ERCC5: variants seen among roughly 807,000 people sequenced by gnomAD.
ERCC5 encodes DNA excision repair protein ERCC-5.
A neutral mutation model predicts 105.6 loss-of-function variants in ERCC5; 68 were observed. The ratio of observed to expected loss-of-function variants is 0.64; its 90% CI spans 0.53 to 0.79. The LOEUF (loss-of-function observed/expected upper bound fraction) is 0.79. Among genes scored for constraint, ERCC5 ranks in the 30% least tolerant of loss-of-function variants. The pLI, the probability that ERCC5 is intolerant of heterozygous loss-of-function variation, is 0.00. For missense variants in ERCC5, 1,373 were observed against 1,426.7 expected (o/e 0.96, Z 0.61); for synonymous variants, 546 against 526.2 (o/e 1.04, Z -0.51).
intron 12 of ERCC5, 147 bp downstream of exon 12, chr13:102,868,404 A>G (rs4150344): frequency 1.1e-5 from 13 of 1,181,652 alleles, no homozygotes; most frequent in African/African-American, 4.6e-5. Flanking sequence ...GTTGTTTTCC[A>G]TTTTCTAGAG....
rs137877463 is a variant in ERCC5, at chr13:102,862,647, C to G, written c.1498C>G (p.Arg500Gly). 3.7e-6 allele frequency: 6 copies of G among 1,614,092 alleles called. No homozygotes were observed. The highest frequency in any genetic ancestry group is 5.1e-6 in the Non-Finnish European group (6 of 1,180,020). The change falls in exon 8 of 15, where the codon CGG becomes GGG. Residue 500 changes from arginine to glycine, a missense_variant. Arg to Gly is a moderately radical substitution (Grantham distance 125, BLOSUM62 -2). This residue lies in a region of ERCC5 where 1,004 missense variants were observed against 1,059.7 expected (regional missense o/e 0.95). Transcript: ENST00000652225. ...GTCTATGATTAAGGACAGAAAAGAT[C>G]GGCTGCCTCTGGAGAGTGCAGTGGT... ...DESMIKDRKDRLPLESAVVRH... is the reference protein window; with the variant it reads ...DESMIKDRKDGLPLESAVVRH...
intron 8 of ERCC5, among the ~76,000 whole-genome samples, chr13:102,863,430 A>G (rs1313319333): frequency 6.6e-6 from 1 of 152,194 alleles, no homozygotes; most frequent in Non-Finnish European, 1.5e-5. Flanking sequence ...ATTATAAAAC[A>G]CTGGTTCCTT....
chr13:102,846,427 G>A (rs1881964436), intron 1 of ERCC5, 73 bp downstream of exon 1: 1 of 1,296,066 alleles, frequency 7.7e-7, no homozygotes. Context: ...CTCTGCCTTG[G>A]GCACAGTGGC....
In ERCC5 at chr13:102,862,799, C is replaced by T. The variant is rs1595383575; in HGVS notation, c.1650C>T (p.Cys550=). Residue 550 remains cysteine (C), a synonymous_variant, in exon 8 of 15, where the codon TGC becomes TGT. Transcript: ENST00000652225. ...AEVLEQQNEL[C]PYESKFDSSL... Reference sequence around the variant, plus strand: ...TGCTTGAGCAGCAGAACGAACTTTGCCCATATGAGAGTAAATTCGATTCTT... The same window carrying T: ...TGCTTGAGCAGCAGAACGAACTTTGTCCATATGAGAGTAAATTCGATTCTT... 1 of 1,614,056 alleles carries T rather than the reference C, an allele frequency of 6.2e-7. No homozygotes were observed. Among genetic ancestry groups the T allele is most frequent in the Non-Finnish European group, 8.5e-7 (1 of 1,180,030 alleles).
chr13:102,867,733 CAAG>C (rs1478515732), intron 11 of ERCC5, among the ~76,000 whole-genome samples: 14 of 152,050 alleles, frequency 9.2e-5, no homozygotes. Flanking sequence ...TTCAGTAAGA[CAAG>C]GAGGGAGCAC....
chr13:102,873,913 A>G (rs2140540670), intron 14 of ERCC5, among the ~76,000 whole-genome samples: 1 of 152,318 alleles, frequency 6.6e-6, no homozygotes, highest in East Asian at 1.9e-4. Flanking sequence ...AACCCACAAA[A>G]CATACATACA....
At chr13:102,855,240 C>T (rs185066211) in intron 4 of ERCC5, among the ~76,000 whole-genome samples, 58 of 152,134 alleles carry the variant, frequency 3.8e-4, no homozygotes, top group African/African-American at 1.4e-3. Context: ...TTTCTAGCTT[C>T]TCCTTCTCAT....
At chr13:102,864,166 A>ACACACACACACACACACAC (rs1595384698) in intron 8 of ERCC5, among the ~76,000 whole-genome samples, 2 of 145,824 alleles carry the variant, frequency 1.4e-5, no homozygotes, top group South Asian at 2.2e-4. Context: ...ACACACACAC[A>ACACACACACACACACACAC]ATTTGTTCCT....
chr13:102,864,032 A>G (rs961342724), intron 8 of ERCC5, among the ~76,000 whole-genome samples: 4 of 152,012 alleles, frequency 2.6e-5, no homozygotes, highest in African/African-American at 9.7e-5. Flanking sequence ...GTGTATATGC[A>G]CATAGATATG....
In ERCC5 at chr13:102,862,942, A is replaced by G; in HGVS notation, c.1793A>G (p.Asp598Gly). 6.2e-7 allele frequency: 1 copy of G among 1,614,250 alleles called. No individual in the cohort carries two copies. Among genetic ancestry groups the G allele is most frequent in the Non-Finnish European group, 8.5e-7 (1 of 1,180,048 alleles). The change falls in exon 8 of 15, where the codon GAT becomes GGT. Residue 598 changes from aspartate to glycine, a missense_variant. Transcript: ENST00000652225. ...SIVSVPSEAV[D>G]NVENVVSFNA... ...GTAAGTGTCCCTTCAGAGGCAGTAG[A>G]TAATGTGGAAAATGTGGTGTCATTT...
At chr13:102,846,531 G>A (rs1213184354) in intron 1 of ERCC5, among the ~76,000 whole-genome samples, 177 bp downstream of exon 1, 1 of 152,056 alleles carries the variant, frequency 6.6e-6, no homozygotes, top group African/African-American at 2.4e-5. Context: ...GGTATCCCCG[G>A]GGCTTTGGTT....
At chr13:102,868,310 C>A in intron 12 of ERCC5, 53 bp downstream of exon 12, 1 of 1,604,632 alleles carries the variant, frequency 6.2e-7, no homozygotes, top group South Asian at 1.1e-5. Flanking sequence ...CCCAAATAAG[C>A]AAATAGAACT....
chr13:102,854,005 G>A, intron 3 of ERCC5, 133 bp downstream of exon 3: 1 of 757,018 alleles, frequency 1.3e-6, no homozygotes, highest in South Asian at 1.7e-5. Flanking sequence ...GAGACAAGTA[G>A]GCTGCCATTT....
At chr13:102,854,225 G>T in intron 3 of ERCC5, 63 bp from the exon 4 acceptor site, 2 of 1,564,660 alleles carry the variant, frequency 1.3e-6, no homozygotes, top group Non-Finnish European at 1.8e-6. Flanking sequence ...GCCAGGTCAG[G>T]TCCCTGTTCA....
Position 102,873,347 on chromosome 13 carries a change from A to G in ERCC5, c.2964+4A>G. Reference sequence around the variant, plus strand: ...AAAGCAACTCGATGCCCAGCAGGTAATCATGGTGGACCCTTCTCCTAAGTT... The same window carrying G: ...AAAGCAACTCGATGCCCAGCAGGTAGTCATGGTGGACCCTTCTCCTAAGTT... On this transcript the variant is annotated splice_donor_region_variant and intron_variant, in intron 14 of 14. Transcript: ENST00000652225. 1.9e-6 allele frequency: 3 copies of G among 1,614,132 alleles called. No homozygotes were observed. The highest frequency in any genetic ancestry group is 2.5e-6 in the Non-Finnish European group (3 of 1,179,994).
At position 102,875,954 on chromosome 13, in the gene ERCC5, A is replaced by T. The variant is rs752838073; in HGVS notation, c.*51A>T. On this transcript the variant is annotated 3_prime_UTR_variant, in exon 15 of 15. Coordinates refer to ENST00000652225, the MANE Select transcript of ERCC5 (RefSeq NM_000123.4). ...TAGTTATGACAGCCATTTGTAATGA[A>T]TTTGTCGCAAAGACGTAATAAAATT... 1.3e-6 allele frequency: 2 copies of T among 1,590,378 alleles called. No individual in the cohort carries two copies. The highest frequency in any genetic ancestry group is 1.7e-6 in the Non-Finnish European group (2 of 1,174,128).
In ERCC5 at chr13:102,875,957, T is replaced by C. The variant is rs2140544472; in HGVS notation, c.*54T>C. 1 of 1,589,072 alleles carries C rather than the reference T, an allele frequency of 6.3e-7. No homozygotes were observed. Among genetic ancestry groups the C allele is most frequent in the East Asian group, 2.3e-5 (1 of 44,096 alleles). On this transcript the variant is annotated 3_prime_UTR_variant, in exon 15 of 15. Transcript: ENST00000652225. ...TTATGACAGCCATTTGTAATGAATT[T>C]GTCGCAAAGACGTAATAAAATTAAC...
intron 1 of ERCC5, among the ~76,000 whole-genome samples, chr13:102,847,188 T>C (rs189600155): frequency 7.1e-4 from 108 of 152,366 alleles, no homozygotes; most frequent in Non-Finnish European, 1.3e-3. Context: ...GACTATTGTT[T>C]CTGTACATGT....
chr13:102,849,490 ATAT>A (rs1243013075), intron 1 of ERCC5: 1 of 510,964 alleles, frequency 2.0e-6, no homozygotes, highest in South Asian at 1.4e-5. Flanking sequence ...GTATTGCTAA[ATAT>A]TATAGAAATA....
Sources: allele counts gnomAD v4.1 joint callset (sites outside exome capture counted in the v4.1 genomes callset), GRCh38; gene constraint gnomAD v4.1.1; regional missense constraint gnomAD v4.1.1; transcripts MANE v1.5; gene names NCBI Gene and HGNC (gene_info 2026-07-23, HGNC 2026-07-21).